Variants in ERC2 observed in about 807,000 individuals in gnomAD.
ERC2 encodes the protein ERC protein 2.
A neutral mutation model predicts 114.8 loss-of-function variants in ERC2; 42 were observed. The observed-to-expected ratio is 0.37, with a 90% CI of 0.29 to 0.47. ERC2 has a LOEUF of 0.47. Among genes scored for constraint, ERC2 ranks in the 20% least tolerant of loss-of-function variants. The pLI, the probability that ERC2 is intolerant of heterozygous loss-of-function variation, is 0.99. For synonymous variants in ERC2, 454 were observed against 425.5 expected (o/e 1.07, Z -0.82); for missense variants, 939 against 1,150.7 (o/e 0.82, Z 2.66).
chr3:55,708,127 T>C (rs2063584734), intron 15 of ERC2, among the ~76,000 whole-genome samples: 1 of 152,224 alleles, frequency 6.6e-6, no homozygotes, highest in Admixed American at 6.5e-5. Context: ...AAATTCCCTC[T>C]GAAAACGATG....
At chr3:55,876,757 G>A (rs1473582460) in intron 14 of ERC2, among the ~76,000 whole-genome samples, 1 of 152,164 alleles carries the variant, frequency 6.6e-6, no homozygotes, top group African/African-American at 2.4e-5. Flanking sequence ...GGCATTGATG[G>A]AACAGGTCTT....
At chr3:55,600,864 T>C (rs1362725298) in intron 17 of ERC2, among the ~76,000 whole-genome samples, 1 of 152,204 alleles carries the variant, frequency 6.6e-6, no homozygotes, top group Admixed American at 6.5e-5. Flanking sequence ...ACGTGGTTCT[T>C]ATTGGCAGCC....
intron 2 of ERC2, among the ~76,000 whole-genome samples, chr3:56,409,517 G>GA (rs558292657): frequency 0.18 from 14,287 of 77,588 alleles, 1,192 homozygotes; most frequent in East Asian, 0.47. Flanking sequence ...AAGCTAGACA[G>GA]AAAAAAAAAA....
intron 2 of ERC2, among the ~76,000 whole-genome samples, chr3:56,400,127 A>C (rs1024011449): frequency 1.3e-5 from 2 of 152,164 alleles, no homozygotes; most frequent in African/African-American, 2.4e-5. Flanking sequence ...GCATGTGATA[A>C]CAGTATTATA....
At chr3:56,303,801 C>A (rs564518055) in intron 2 of ERC2, among the ~76,000 whole-genome samples, 196 of 152,278 alleles carry the variant, frequency 1.3e-3, no homozygotes, top group Non-Finnish European at 2.3e-3. Context: ...TGCCCCCTGG[C>A]GCCTAACAGA....
chr3:55,959,428 A>G (rs2149463773), intron 12 of ERC2, among the ~76,000 whole-genome samples: 1 of 152,324 alleles, frequency 6.6e-6, no homozygotes, highest in South Asian at 2.1e-4. Flanking sequence ...GATGGAGAGC[A>G]GAGAGATCCT....
At chr3:55,851,870 C>T (rs758969050) in intron 14 of ERC2, among the ~76,000 whole-genome samples, 4 of 152,156 alleles carry the variant, frequency 2.6e-5, no homozygotes, top group African/African-American at 7.2e-5. Context: ...GTCTTGGGCC[C>T]TTTGCACAGA....
chr3:56,394,367 C>T (rs942935090), intron 2 of ERC2, among the ~76,000 whole-genome samples: 4 of 152,116 alleles, frequency 2.6e-5, no homozygotes, highest in Non-Finnish European at 4.4e-5. Context: ...ACTCCAGTAA[C>T]ATAAAAGCTA....
At chr3:56,163,863 C>T (rs2082185524) in intron 4 of ERC2, among the ~76,000 whole-genome samples, 1 of 151,986 alleles carries the variant, frequency 6.6e-6, no homozygotes, top group Non-Finnish European at 1.5e-5. Context: ...AGACTATTTA[C>T]ATTCAAGATT....
At position 56,140,849 on chromosome 3, in the gene ERC2, C is replaced by A. The variant is rs532920572; in HGVS notation, c.1306-1173G>T. 2.6e-5 allele frequency among the ~76,000 whole-genome samples: 4 copies of A among 152,154 alleles called. No homozygotes were observed. The South Asian group carries it at 8.3e-4, about 32-fold the overall frequency. On this transcript the variant is annotated intron_variant, in intron 5 of 17. Coordinates refer to ENST00000288221, the MANE Select transcript of ERC2 (RefSeq NM_015576.3). Reference sequence around the variant, plus strand: ...GACCAGCCTGGCCAATATGGTGAAACCCCCTCTCCACTAAAAATACAAAAA... The same window carrying A: ...GACCAGCCTGGCCAATATGGTGAAAACCCCTCTCCACTAAAAATACAAAAA...
At chr3:56,382,939 G>C (rs1022673257) in intron 2 of ERC2, among the ~76,000 whole-genome samples, 1 of 152,066 alleles carries the variant, frequency 6.6e-6, no homozygotes, top group Non-Finnish European at 1.5e-5. Flanking sequence ...CTCCAAATCT[G>C]CTTCCTTGTA....
chr3:56,252,026 G>C (rs2052192763), intron 3 of ERC2, among the ~76,000 whole-genome samples: 1 of 152,160 alleles, frequency 6.6e-6, no homozygotes, highest in Non-Finnish European at 1.5e-5. Context: ...CAAGTTCCAT[G>C]GCAGGTGTGT....
intron 3 of ERC2, among the ~76,000 whole-genome samples, chr3:56,277,354 C>T (rs1191069477): frequency 1.3e-5 from 2 of 152,226 alleles, no homozygotes; most frequent in African/African-American, 2.4e-5. Context: ...CTTATAAATG[C>T]TTCCCAAACC....
At chr3:56,246,282 C>T (rs560176072) in intron 3 of ERC2, among the ~76,000 whole-genome samples, 124 of 151,952 alleles carry the variant, frequency 8.2e-4, no homozygotes, top group Admixed American at 2.6e-3. Flanking sequence ...TGTCGAGGGG[C>T]CTGCCCTGTG....
intron 3 of ERC2, among the ~76,000 whole-genome samples, chr3:56,272,346 G>A (rs1461313952): frequency 6.6e-6 from 1 of 152,224 alleles, no homozygotes; most frequent in African/African-American, 2.4e-5. Context: ...ATCTAGAAGA[G>A]TCCCATTATC....
At chr3:56,181,828 C>T (rs1430320582) in intron 3 of ERC2, among the ~76,000 whole-genome samples, 1 of 152,192 alleles carries the variant, frequency 6.6e-6, no homozygotes, top group African/African-American at 2.4e-5. Context: ...GATATCAAGA[C>T]ATCCTATGGT....
At chr3:55,751,496 ATTT>A (rs2066703329) in intron 14 of ERC2, among the ~76,000 whole-genome samples, 1 of 152,116 alleles carries the variant, frequency 6.6e-6, no homozygotes, top group South Asian at 2.1e-4. Context: ...ATTTTGTTGG[ATTT>A]TAGCACAATA....
intron 14 of ERC2, among the ~76,000 whole-genome samples, chr3:55,794,164 G>A (rs138290858): frequency 2.1e-3 from 315 of 152,252 alleles, no homozygotes; most frequent in African/African-American, 7.3e-3. Context: ...TGCTGGAAAG[G>A]GCTGTCAAAG....
intron 2 of ERC2, among the ~76,000 whole-genome samples, chr3:56,401,116 A>G (rs2060503154): frequency 6.6e-6 from 1 of 152,256 alleles, no homozygotes; most frequent in Non-Finnish European, 1.5e-5. Flanking sequence ...GAACCTATGT[A>G]TCACAAAAGC....
Sources: gnomAD v4.1 joint callset for allele counts (sites outside exome capture counted in the v4.1 genomes callset) on GRCh38, gnomAD v4.1.1 for gene constraint, MANE v1.5 for transcripts, NCBI Gene and HGNC (gene_info 2026-07-23, HGNC 2026-07-21) for gene names.